LIMD1: variants seen among roughly 807,000 people sequenced by gnomAD.
LIMD1 encodes LIM domain containing 1.
LIMD1 carries 23 observed loss-of-function variants against 58.4 expected under a neutral mutation model. The ratio of observed to expected loss-of-function variants is 0.39; its 90% CI spans 0.28 to 0.56. The LOEUF is 0.56. Among genes scored for constraint, LIMD1 ranks in the 20% least tolerant of loss-of-function variants. LIMD1 has a pLI of 0.57. For synonymous variants in LIMD1, 334 were observed against 345.5 expected (o/e 0.97, Z 0.37); for missense variants, 838 against 855.5 (o/e 0.98, Z 0.25).
At chr3:45,623,517 T>C (rs955393767) in intron 1 of LIMD1, among the ~76,000 whole-genome samples, 2 of 152,160 alleles carry the variant, frequency 1.3e-5, no homozygotes, top group South Asian at 4.1e-4. Flanking sequence ...ATTGGGAAAT[T>C]GCATTAGAAA....
intron 1 of LIMD1, among the ~76,000 whole-genome samples, chr3:45,620,295 A>G (rs1701617729): frequency 6.6e-6 from 1 of 152,250 alleles, no homozygotes; most frequent in Admixed American, 6.5e-5. Context: ...TTGAGCAACA[A>G]AATAAATAAT....
intron 2 of LIMD1, among the ~76,000 whole-genome samples, chr3:45,645,441 C>T (rs962375856): frequency 6.6e-6 from 1 of 152,204 alleles, no homozygotes; most frequent in African/African-American, 2.4e-5. Flanking sequence ...ATGTCTGCAT[C>T]CTAAGCTCCT....
chr3:45,603,463 C>T lies in LIMD1; in HGVS notation c.1408+7176C>T, dbSNP rs750014419. Among the ~76,000 whole-genome samples the T allele has an allele frequency of 3.3e-5, 5 of 151,952 alleles. No individual in the cohort carries two copies. In the East Asian group the frequency reaches 7.7e-4, roughly 24 times the overall value. ...TGACTGGCATGACTAGATATGATGA[C>T]GTGGGGACTGCCACCAGAATGCCTT... On this transcript the variant is annotated intron_variant, in intron 1 of 7. Coordinates refer to ENST00000273317, the MANE Select transcript of LIMD1 (RefSeq NM_014240.3).
intron 1 of LIMD1, among the ~76,000 whole-genome samples, chr3:45,598,571 G>T (rs1034206703): frequency 3.9e-5 from 6 of 152,178 alleles, no homozygotes; most frequent in African/African-American, 1.4e-4. Context: ...TAGTGAACAG[G>T]ACAGACAGGA....
At chr3:45,638,622 G>T (rs1019442786) in intron 2 of LIMD1, among the ~76,000 whole-genome samples, 34 of 152,148 alleles carry the variant, frequency 2.2e-4, no homozygotes, top group African/African-American at 8.2e-4. Flanking sequence ...ACGAGTGCAG[G>T]TATCTTTGGT....
In LIMD1 at chr3:45,678,390, A is replaced by G. The variant is rs1697698555; in HGVS notation, c.*1331A>G. 1 of 152,610 alleles carries G rather than the reference A, an allele frequency of 6.6e-6. No homozygotes were observed. The highest frequency in any genetic ancestry group is 1.5e-5 in the Non-Finnish European group (1 of 68,046). 9.5% of individuals were successfully genotyped at this position (152,610 alleles called of 1,614,324 possible). A position where few individuals can be genotyped will look rare whatever the true frequency, so the allele number is the denominator to read the frequency against. The stretch of plus-strand genomic sequence containing the variant: ...GTAACTAAAGGTCAGTGGGGAATAG[A>G]TCCGATTCAGTGCTTTTGCCTTATG... On this transcript the variant is annotated 3_prime_UTR_variant, in exon 8 of 8. Transcript: ENST00000273317.
chr3:45,597,009 G>A (rs1447983436), intron 1 of LIMD1, among the ~76,000 whole-genome samples: 2 of 148,118 alleles, frequency 1.4e-5, no homozygotes, highest in Non-Finnish European at 3.0e-5. Flanking sequence ...CTACAGGCAC[G>A]TGCCACCACA....
intron 2 of LIMD1, among the ~76,000 whole-genome samples, chr3:45,650,364 T>C (rs1219892600): frequency 6.6e-6 from 1 of 152,200 alleles, no homozygotes; most frequent in Admixed American, 6.5e-5. Flanking sequence ...TACTTTAAGT[T>C]CTGGGGTACA....
chr3:45,670,827 T>G (rs1020145839), intron 4 of LIMD1, among the ~76,000 whole-genome samples: 2 of 152,190 alleles, frequency 1.3e-5, no homozygotes, highest in East Asian at 3.8e-4. Flanking sequence ...TTGAAAACTT[T>G]TAGTGAATGT....
chr3:45,595,791 C>T lies in LIMD1; in HGVS notation c.912C>T (p.Ser304=). 1 of 1,614,132 alleles carries T rather than the reference C, an allele frequency of 6.2e-7. No individual in the cohort carries two copies. Among genetic ancestry groups the T allele is most frequent in the Non-Finnish European group, 8.5e-7 (1 of 1,180,030 alleles). The stretch of plus-strand genomic sequence containing the variant: ...CTGTGTCAGCACCCTTGGCCCTGAG[C>T]TGCCCCAGGCAAGGAGGTCTTCCAA... The part of the protein sequence containing the change: ...TPSVSAPLAL[S]CPRQGGLPRS... Residue 304 remains serine (S), a synonymous_variant, in exon 1 of 8, where the codon AGC becomes AGT. Transcript: ENST00000273317.
intron 1 of LIMD1, among the ~76,000 whole-genome samples, chr3:45,596,762 C>CTG (rs1701359975): frequency 1.3e-5 from 2 of 151,514 alleles, no homozygotes; most frequent in Admixed American, 6.6e-5. Context: ...CTCTTGACTG[C>CTG]CGTGTGTGTG....
chr3:45,616,971 G>T lies in LIMD1; in HGVS notation c.1409-19179G>T, dbSNP rs573312609. Reference sequence around the variant, plus strand: ...GCTGGTCTCGAACTCCTGACCTCGTGATCCACCCGCCTTGGCCTCCCAAAG... The same window carrying T: ...GCTGGTCTCGAACTCCTGACCTCGTTATCCACCCGCCTTGGCCTCCCAAAG... On this transcript the variant is annotated intron_variant, in intron 1 of 7. Transcript: ENST00000273317. 2.6e-5 allele frequency among the ~76,000 whole-genome samples: 4 copies of T among 151,036 alleles called. No homozygotes were observed. In the East Asian group the frequency reaches 7.8e-4, roughly 30 times the overall value.
At chr3:45,623,824 A>G (rs1160544552) in intron 1 of LIMD1, among the ~76,000 whole-genome samples, 1 of 152,024 alleles carries the variant, frequency 6.6e-6, no homozygotes, top group Non-Finnish European at 1.5e-5. Flanking sequence ...TCAGCTGGAG[A>G]GCTTTGGCCT....
chr3:45,654,362 A>ATTTTATAGG (rs1175666882), intron 2 of LIMD1, among the ~76,000 whole-genome samples: 1 of 152,156 alleles, frequency 6.6e-6, no homozygotes, highest in African/African-American at 2.4e-5. Flanking sequence ...GCTTATTTCT[A>ATTTTATAGG]TTTTATAGGG....
At chr3:45,618,817 G>T (rs1701601743) in intron 1 of LIMD1, among the ~76,000 whole-genome samples, 1 of 152,160 alleles carries the variant, frequency 6.6e-6, no homozygotes, top group African/African-American at 2.4e-5. Context: ...CTGCAGGAGG[G>T]AGGCTGTGGA....
intron 1 of LIMD1, among the ~76,000 whole-genome samples, chr3:45,634,158 T>G (rs1701763136): frequency 6.6e-6 from 1 of 152,236 alleles, no homozygotes; most frequent in South Asian, 2.1e-4. Flanking sequence ...GAATGCCTGC[T>G]GTCTTATAAA....
intron 1 of LIMD1, among the ~76,000 whole-genome samples, chr3:45,615,144 C>T (rs998874554): frequency 6.6e-6 from 1 of 152,004 alleles, no homozygotes; most frequent in African/African-American, 2.4e-5. Flanking sequence ...CAAATGAAGA[C>T]CCAAAGCAGT....
intron 2 of LIMD1, among the ~76,000 whole-genome samples, chr3:45,646,912 C>T (rs990517227): frequency 1.5e-4 from 23 of 152,124 alleles, no homozygotes; most frequent in African/African-American, 2.4e-5. Flanking sequence ...GTGATCCTCC[C>T]GCCTTGGCCT....
chr3:45,636,424 C>T (rs887771113), intron 2 of LIMD1, among the ~76,000 whole-genome samples, 173 bp downstream of exon 2: 5 of 152,196 alleles, frequency 3.3e-5, no homozygotes, highest in African/African-American at 1.2e-4. Context: ...CCAACAGAAG[C>T]CCATCAGGGC....
Sources: gnomAD v4.1 joint callset for allele counts (sites outside exome capture counted in the v4.1 genomes callset) on GRCh38, gnomAD v4.1.1 for gene constraint, MANE v1.5 for transcripts, NCBI Gene and HGNC (gene_info 2026-07-23, HGNC 2026-07-21) for gene names.